Variants in PTPRB observed in about 807,000 individuals in gnomAD.
The protein encoded by PTPRB is receptor-type tyrosine-protein phosphatase beta.
A neutral mutation model predicts 238.1 loss-of-function variants in PTPRB; 97 were observed. The observed-to-expected ratio is 0.41, with a 90% CI of 0.35 to 0.48. The LOEUF is 0.48. Among genes scored for constraint, PTPRB ranks in the 20% least tolerant of loss-of-function variants. The pLI is 0.30. For synonymous variants in PTPRB, 970 were observed against 995.4 expected (o/e 0.97, Z 0.48); for missense variants, 2,292 against 2,681.9 (o/e 0.85, Z 3.21).
At position 70,555,911 on chromosome 12, in the gene PTPRB, G is replaced by A; in HGVS notation, c.4952C>T (p.Thr1651Ile). The change falls in exon 19 of 34, where the codon ACC (threonine) becomes ATC (isoleucine). Residue 1651 changes from threonine (T) to isoleucine (I), a missense_variant. Physicochemically the swap from Thr to Ile is moderately conservative, Grantham distance 89 (BLOSUM62 -1). Transcript: ENST00000334414. ...VSIKVQSAGM[T>I]SEVVEDSTIT... is the part of the protein sequence containing the mutation. The stretch of plus-strand genomic sequence containing the variant: ...AGTGCTGTCTTCAACCACCTCGCTG[G>A]TCATGCCGGCCGACTGCACTTTGAT... The A allele has an allele frequency of 1.2e-6, 2 of 1,613,502 alleles. No homozygotes were observed. Among genetic ancestry groups the A allele is most frequent in the Non-Finnish European group, 1.7e-6 (2 of 1,179,882 alleles).
At chr12:70,536,760 G>A (rs1003113421) in intron 28 of PTPRB, among the ~76,000 whole-genome samples, 14 of 152,202 alleles carry the variant, frequency 9.2e-5, no homozygotes, top group Non-Finnish European at 1.8e-4. Context: ...TTTCCTCAGG[G>A]TCTCCACATT....
rs1167600792 is a variant in PTPRB, at chr12:70,520,178, C to T, written c.*1311G>A. 1 of 473,680 alleles carries T rather than the reference C, an allele frequency of 2.1e-6. No individual in the cohort carries two copies. Among genetic ancestry groups the T allele is most frequent in the Non-Finnish European group, 4.3e-6 (1 of 235,190 alleles). 29.3% of individuals were successfully genotyped at this position (473,680 alleles called of 1,614,324 possible). A position where few individuals can be genotyped will look rare whatever the true frequency, so the allele number is the denominator to read the frequency against. On this transcript the variant is annotated 3_prime_UTR_variant, in exon 34 of 34. Transcript: ENST00000334414. ...GGTATCTATGAAGATTCCGTACAAA[C>T]TCCTTTCAAATTTTTCCCAGGAATG...
At chr12:70,570,308 C>T (rs1215569899) in intron 13 of PTPRB, among the ~76,000 whole-genome samples, 14 of 152,076 alleles carry the variant, frequency 9.2e-5, no homozygotes, top group African/African-American at 3.1e-4. Context: ...ATAATACTAA[C>T]CAGCCCATAG....
At chr12:70,609,444 T>C in intron 3 of PTPRB, 105 bp from the exon 4 acceptor site, 4 of 1,422,770 alleles carry the variant, frequency 2.8e-6, no homozygotes, top group Non-Finnish European at 3.8e-6. Context: ...ACTTATCCTT[T>C]GTCCCTTGCC....
intron 13 of PTPRB, 72 bp downstream of exon 13, chr12:70,570,954 A>G (rs1879963701): frequency 1.3e-6 from 2 of 1,527,104 alleles, no homozygotes; most frequent in Admixed American, 1.8e-5. Flanking sequence ...GCTCAATCGA[A>G]ATACCTGAAC....
intron 16 of PTPRB, among the ~76,000 whole-genome samples, chr12:70,561,264 C>G (rs750840731): frequency 1.4e-4 from 22 of 152,084 alleles, no homozygotes; most frequent in Non-Finnish European, 2.5e-4. Flanking sequence ...GGTTCCAGCT[C>G]CTCCCAGTGT....
chr12:70,563,711 T>C (rs1389972252), intron 15 of PTPRB, among the ~76,000 whole-genome samples: 1 of 152,138 alleles, frequency 6.6e-6, no homozygotes, highest in Non-Finnish European at 1.5e-5. Flanking sequence ...CACTCAGGCA[T>C]CTCAAACTCA....
intron 18 of PTPRB, among the ~76,000 whole-genome samples, chr12:70,557,237 T>C (rs74614659): frequency 0.015 from 2,247 of 152,286 alleles, 46 homozygotes; most frequent in African/African-American, 0.051. Flanking sequence ...TGCAAATCAT[T>C]CATTATGGTT....
At position 70,609,431 on chromosome 12, in the gene PTPRB, T is replaced by C. The variant is rs991757630; in HGVS notation, c.709-92A>G. ...AAGCTCCTCAAGCCACACTTTCTCC[T>C]CTACTTATCCTTTGTCCCTTGCCTC... On this transcript the variant is annotated intron_variant, in intron 3 of 33. Transcript: ENST00000334414. 75 of 1,471,250 alleles carry C rather than the reference T, an allele frequency of 5.1e-5. No homozygotes were observed. The Middle Eastern group carries it at 6.9e-4, about 14-fold the overall frequency. 91.1% of individuals were successfully genotyped at this position (1,471,250 alleles called of 1,614,324 possible). A position where few individuals can be genotyped will look rare whatever the true frequency, so the allele number is the denominator to read the frequency against.
Position 70,609,305 on chromosome 12 carries a change from G to C in PTPRB, c.743C>G (p.Thr248Ser). 6.2e-7 allele frequency: 1 copy of C among 1,614,046 alleles called. No homozygotes were observed. The highest frequency in any genetic ancestry group is 8.5e-7 in the Non-Finnish European group (1 of 1,179,904). The change falls in exon 4 of 34, where the codon ACC (threonine) becomes AGC (serine). Residue 248 changes from threonine (T) to serine (S), a missense_variant. By Grantham distance (58) the Thr-to-Ser change is moderately conservative. Transcript: ENST00000334414. ...GLAEPERCNFTLAESKASSHS... is the reference protein window; with the variant it reads ...GLAEPERCNFSLAESKASSHS... ...GCTGGAGGCCTTGGACTCCGCCAGG[G>C]TGAAGTTACATCTCTCTGGCTCCGC... is the stretch of plus-strand genomic sequence containing the variant.
rs1373441913 is a variant in PTPRB at position 70,635,888 on chromosome 12, G to A, written c.234C>T (p.Pro78=). The A allele has an allele frequency of 1.2e-6, 2 of 1,613,806 alleles. No individual in the cohort carries two copies. The highest frequency in any genetic ancestry group is 1.6e-4 in the Middle Eastern group (1 of 6,062). ...AGCGGTCCAAGATGGCTGAGCGGGAGGGGCCGCGGGAAGAGTTGGAGATGG... is the reference window on the plus strand; with the variant it reads ...AGCGGTCCAAGATGGCTGAGCGGGAAGGGCCGCGGGAAGAGTTGGAGATGG... The part of the protein sequence containing the change: ...CLAISNSSRG[P]SRSAILDRCS... The change falls in exon 2 of 34, where the codon CCC becomes CCT. Residue 78 remains proline, a synonymous_variant. Coordinates refer to ENST00000334414, the MANE Select transcript of PTPRB (RefSeq NM_001109754.4).
intron 31 of PTPRB, 106 bp from the exon 32 acceptor site, chr12:70,532,276 G>A (rs532051063): frequency 7.6e-7 from 1 of 1,324,136 alleles, no homozygotes; most frequent in Non-Finnish European, 1.0e-6. Flanking sequence ...CCAGTTATGG[G>A]AGAAGATAGG....
chr12:70,580,176 TA>T (rs1881226350), intron 10 of PTPRB, among the ~76,000 whole-genome samples: 1 of 152,164 alleles, frequency 6.6e-6, no homozygotes, highest in African/African-American at 2.4e-5. Flanking sequence ...TACATGACCA[TA>T]ATGACACTTA....
chr12:70,627,887 C>T (rs927608093), intron 2 of PTPRB, among the ~76,000 whole-genome samples: 1 of 152,158 alleles, frequency 6.6e-6, no homozygotes, highest in African/African-American at 2.4e-5. Flanking sequence ...CCCACAAGCT[C>T]TTCGTATTCA....
At chr12:70,568,401 C>T (rs565436639) in intron 14 of PTPRB, among the ~76,000 whole-genome samples, 2 of 152,158 alleles carry the variant, frequency 1.3e-5, no homozygotes, top group South Asian at 4.2e-4. Context: ...GGGTTCATGC[C>T]ATTCTCCTGC....
intron 21 of PTPRB, among the ~76,000 whole-genome samples, chr12:70,548,219 T>C (rs888240107): frequency 6.6e-6 from 1 of 151,920 alleles, no homozygotes; most frequent in East Asian, 1.9e-4. Context: ...TCCCAGCTAC[T>C]TGGGAGGCTG....
rs528438105 is a variant in PTPRB at position 70,548,529 on chromosome 12, G to A, written c.5388-3866C>T. On this transcript the variant is annotated intron_variant, in intron 21 of 33. Coordinates refer to ENST00000334414, the MANE Select transcript of PTPRB (RefSeq NM_001109754.4). ...ACTCATCTGTAAAATAAAAGCATTG[G>A]CTATAACAACCTTGACATGGTCTGC... is the stretch of plus-strand genomic sequence containing the variant. 2.6e-5 allele frequency among the ~76,000 whole-genome samples: 4 copies of A among 152,198 alleles called. No individual in the cohort carries two copies. In the South Asian group the frequency reaches 8.3e-4, roughly 32 times the overall value.
Position 70,536,110 on chromosome 12 carries a change from C to A in PTPRB, c.5996G>T (p.Gly1999Val). Residue 1999 changes from glycine to valine, a missense_variant, in exon 29 of 34, where the codon GGC (glycine) becomes GTC (valine). By Grantham distance (109) the Gly-to-Val change is moderately radical (BLOSUM62 -3). This residue lies in a region of PTPRB where 397 missense variants were observed against 502.0 expected (regional missense o/e 0.79). Transcript: ENST00000334414. ...EYIVTQGPLP[G>V]TKDDFWKMVW... Reference sequence around the variant, plus strand: ...CATTTTCCAGAAGTCATCCTTGGTGCCAGGAAGCGGTCCCTGAGTGACAAT... The same window carrying A: ...CATTTTCCAGAAGTCATCCTTGGTGACAGGAAGCGGTCCCTGAGTGACAAT... The A allele has an allele frequency of 6.2e-7, 1 of 1,613,828 alleles. No homozygotes were observed. Among genetic ancestry groups the A allele is most frequent in the Non-Finnish European group, 8.5e-7 (1 of 1,179,832 alleles).
At chr12:70,625,275 G>A (rs908465485) in intron 2 of PTPRB, among the ~76,000 whole-genome samples, 1 of 152,136 alleles carries the variant, frequency 6.6e-6, no homozygotes, top group African/African-American at 2.4e-5. Flanking sequence ...GCAAACTTTT[G>A]TAGCCATCAG....
Sources: gnomAD v4.1 joint callset for allele counts (sites outside exome capture counted in the v4.1 genomes callset) on GRCh38, gnomAD v4.1.1 for gene constraint, gnomAD v4.1.1 regional missense constraint, MANE v1.5 for transcripts, NCBI Gene and HGNC (gene_info 2026-07-23, HGNC 2026-07-21) for gene names.